Variants in BMP6 observed in about 807,000 individuals in gnomAD.
BMP6 encodes the protein bone morphogenetic protein 6.
A neutral mutation model predicts 54.1 loss-of-function variants in BMP6; 17 were observed. The ratio of observed to expected loss-of-function variants is 0.31; its 90% CI spans 0.22 to 0.47. The LOEUF (loss-of-function observed/expected upper bound fraction) is 0.47, where lower values mean the gene tolerates loss of function less well. Ranked by LOEUF, BMP6 falls within the 20% of genes least tolerant of loss-of-function variation. The pLI, the probability that BMP6 is intolerant of heterozygous loss-of-function variation, is 1.00. For synonymous variants in BMP6, 328 were observed against 291.2 expected (o/e 1.13, Z -1.28); for missense variants, 720 against 690.4 (o/e 1.04, Z -0.48).
At chr6:7,824,395 A>G (rs373581690) in intron 1 of BMP6, among the ~76,000 whole-genome samples, 2 of 151,974 alleles carry the variant, frequency 1.3e-5, no homozygotes, top group Admixed American at 1.3e-4. Flanking sequence ...CTAAGAAGGG[A>G]CTCTGTCTCT....
Position 7,799,338 on chromosome 6 carries a change from C to T in BMP6, c.665-45802C>T, listed in dbSNP as rs549471437. On this transcript the variant is annotated intron_variant, in intron 1 of 6. Coordinates refer to ENST00000283147, the MANE Select transcript of BMP6 (RefSeq NM_001718.6). ...TCAAAGTAGGGGACAGGGTCAGGTG[C>T]GAAATCAGTAATTCTGTATAAAGTA... Among the ~76,000 whole-genome samples, 10 of 152,158 alleles carry T rather than the reference C, an allele frequency of 6.6e-5. No individual in the cohort carries two copies. The East Asian group carries it at 1.5e-3, about 24-fold the overall frequency.
intron 1 of BMP6, among the ~76,000 whole-genome samples, chr6:7,842,885 C>A (rs1368089714): frequency 6.6e-6 from 1 of 152,234 alleles, no homozygotes; most frequent in African/African-American, 2.4e-5. Context: ...AATTCTTACA[C>A]ATGCTCTCCA....
At chr6:7,739,505 C>A (rs1427261514) in intron 1 of BMP6, among the ~76,000 whole-genome samples, 1 of 152,110 alleles carries the variant, frequency 6.6e-6, no homozygotes, top group African/African-American at 2.4e-5. Context: ...CAAATACTTA[C>A]ACTTTTACAG....
chr6:7,766,621 A>G (rs1757694557), intron 1 of BMP6, among the ~76,000 whole-genome samples: 1 of 152,230 alleles, frequency 6.6e-6, no homozygotes, highest in African/African-American at 2.4e-5. Flanking sequence ...TTGTCTCATA[A>G]AAAATAAAAT....
In BMP6 at chr6:7,881,195, C is replaced by A. The variant is rs185460859; in HGVS notation, c.*852C>A. ...TGCCTTTTTACTATACAGCATACCA[C>A]GCCACAGGGTTAGAACCAACGAAGA... On this transcript the variant is annotated 3_prime_UTR_variant, in exon 7 of 7. Coordinates refer to ENST00000283147, the MANE Select transcript of BMP6 (RefSeq NM_001718.6). 2.0e-5 allele frequency: 3 copies of A among 152,508 alleles called. No individual in the cohort carries two copies. The highest frequency in any genetic ancestry group is 4.4e-5 in the Non-Finnish European group (3 of 68,042). The allele number at this position is 152,508 out of a possible 1,614,324, so 9.4% of individuals were successfully genotyped here. A position where few individuals can be genotyped will look rare whatever the true frequency, so the allele number is the denominator to read the frequency against.
At chr6:7,878,618 G>T (rs1028250432) in intron 4 of BMP6, among the ~76,000 whole-genome samples, 5 of 152,092 alleles carry the variant, frequency 3.3e-5, no homozygotes, top group African/African-American at 4.8e-5. Flanking sequence ...CTTCCTTCAG[G>T]ATACTCTTCT....
At position 7,759,696 on chromosome 6, in the gene BMP6, C is replaced by CTTTTTTTT. The variant is rs71542880; in HGVS notation, c.664+32094_664+32101dup. Reference sequence around the variant, plus strand: ...TTTAAAGACTAATTTCTTTCTTCTTCTTTTTTTTTTTTTTTTTTTTTTTTG... The same window carrying CTTTTTTTT: ...TTTAAAGACTAATTTCTTTCTTCTTCTTTTTTTTTTTTTTTTTTTTTTTTTTTTTTTTG... On this transcript the variant is annotated intron_variant, in intron 1 of 6. Coordinates refer to ENST00000283147, the MANE Select transcript of BMP6 (RefSeq NM_001718.6). 6.6e-3 allele frequency among the ~76,000 whole-genome samples: 409 copies of CTTTTTTTT among 62,090 alleles called. 19 individuals carry two copies. The highest frequency in any genetic ancestry group is 0.023 in the Middle Eastern group (1 of 44). The allele number at this position is 62,090 out of a possible 152,430, so 40.7% of individuals were successfully genotyped here. A position where few individuals can be genotyped will look rare whatever the true frequency, so the allele number is the denominator to read the frequency against.
intron 1 of BMP6, among the ~76,000 whole-genome samples, chr6:7,746,792 G>A (rs749502064): frequency 6.6e-6 from 1 of 152,162 alleles, no homozygotes; most frequent in Non-Finnish European, 1.5e-5. Context: ...GACGGTATTC[G>A]CGTCTTTGAA....
intron 1 of BMP6, among the ~76,000 whole-genome samples, chr6:7,798,290 T>C (rs1244117110): frequency 2.0e-5 from 3 of 152,310 alleles, no homozygotes; most frequent in Non-Finnish European, 2.9e-5. Context: ...CAGAACCAGA[T>C]GTAAGACCAG....
intron 1 of BMP6, among the ~76,000 whole-genome samples, chr6:7,828,517 G>A (rs1758736400): frequency 6.6e-6 from 1 of 152,208 alleles, no homozygotes; most frequent in South Asian, 2.1e-4. Context: ...TGAGGTCTTG[G>A]TTCTAAACCA....
At chr6:7,868,970 T>C (rs1206766492) in intron 4 of BMP6, among the ~76,000 whole-genome samples, 2 of 152,214 alleles carry the variant, frequency 1.3e-5, no homozygotes, top group Non-Finnish European at 2.9e-5. Context: ...CTTCTCCCTG[T>C]CTTGCCCTTT....
At chr6:7,879,886 T>C in intron 5 of BMP6, 105 bp from the exon 6 acceptor site, 1 of 1,159,086 alleles carries the variant, frequency 8.6e-7, no homozygotes, top group South Asian at 1.3e-5. Context: ...TCTGTATCCT[T>C]GCCTGTGCAA....
chr6:7,822,943 A>G (rs1415525727), intron 1 of BMP6, among the ~76,000 whole-genome samples: 4 of 130,290 alleles, frequency 3.1e-5, no homozygotes, highest in Non-Finnish European at 4.9e-5. Context: ...GTGTGTGTGT[A>G]CACACTGGTA....
intron 5 of BMP6, 80 bp from the exon 6 acceptor site, chr6:7,879,911 T>A: frequency 7.0e-7 from 1 of 1,426,736 alleles, no homozygotes; most frequent in Non-Finnish European, 9.9e-7. Flanking sequence ...AAAAATACCT[T>A]TTCACAGCAT....
chr6:7,755,815 A>T (rs1393373716), intron 1 of BMP6, among the ~76,000 whole-genome samples: 2 of 152,090 alleles, frequency 1.3e-5, no homozygotes, highest in Admixed American at 1.3e-4. Flanking sequence ...TGGGTCTATA[A>T]TTTGAGATTG....
chr6:7,778,317 A>G (rs1240543668), intron 1 of BMP6, among the ~76,000 whole-genome samples: 1 of 152,256 alleles, frequency 6.6e-6, no homozygotes, highest in African/African-American at 2.4e-5. Context: ...TGTTCCAAAC[A>G]TCGTACTCTG....
chr6:7,806,576 C>T (rs1758349754), intron 1 of BMP6, among the ~76,000 whole-genome samples: 1 of 151,676 alleles, frequency 6.6e-6, no homozygotes, highest in Admixed American at 6.6e-5. Flanking sequence ...TTCTGCTGAT[C>T]CTGACAACCA....
chr6:7,785,391 A>G (rs1758006061), intron 1 of BMP6, among the ~76,000 whole-genome samples: 2 of 152,358 alleles, frequency 1.3e-5, no homozygotes, highest in East Asian at 1.9e-4. Flanking sequence ...TTTGTAAATC[A>G]GAAGAGTTAT....
intron 1 of BMP6, among the ~76,000 whole-genome samples, chr6:7,737,704 C>T (rs939225050): frequency 6.6e-5 from 10 of 151,702 alleles, no homozygotes; most frequent in Non-Finnish European, 1.3e-4. Context: ...TTTCCACTTT[C>T]GTATGTGCTC....
Sources: allele counts gnomAD v4.1 joint callset (sites outside exome capture counted in the v4.1 genomes callset), GRCh38; gene constraint gnomAD v4.1.1; transcripts MANE v1.5; gene names NCBI Gene and HGNC (gene_info 2026-07-23, HGNC 2026-07-21).